MACROD2: variants seen among roughly 807,000 people sequenced by gnomAD.
The protein encoded by MACROD2 is ADP-ribose glycohydrolase MACROD2.
MACROD2 carries 36 observed loss-of-function variants against 70.4 expected under a neutral mutation model. The ratio of observed to expected loss-of-function variants is 0.51; its 90% CI spans 0.39 to 0.68. The LOEUF is 0.68. MACROD2 is among the 30% of genes least tolerant of loss of function. The pLI, the probability that MACROD2 is intolerant of heterozygous loss-of-function variation, is 0.00. For missense variants in MACROD2, 496 were observed against 538.4 expected (o/e 0.92, Z 0.78); for synonymous variants, 172 against 178.8 (o/e 0.96, Z 0.30).
intron 7 of MACROD2, among the ~76,000 whole-genome samples, chr20:15,459,785 T>C (rs1327351243): frequency 6.6e-6 from 1 of 152,162 alleles, no homozygotes; most frequent in African/African-American, 2.4e-5. Flanking sequence ...TTGTGGTAGA[T>C]ATTTGTTTCC....
intron 7 of MACROD2, among the ~76,000 whole-genome samples, chr20:15,432,868 A>G (rs570819430): frequency 9.9e-5 from 15 of 152,130 alleles, no homozygotes; most frequent in East Asian, 3.9e-4. Flanking sequence ...TGTAATATAT[A>G]TGGTATACTA....
chr20:14,816,249 A>C (rs2044970065), intron 5 of MACROD2, among the ~76,000 whole-genome samples: 1 of 152,092 alleles, frequency 6.6e-6, no homozygotes, highest in African/African-American at 2.4e-5. Context: ...GAGGGATATA[A>C]GAATCATTCC....
At position 14,678,941 on chromosome 20, in the gene MACROD2, C is replaced by G. The variant is rs181657465; in HGVS notation, c.302-5902C>G. Among the ~76,000 whole-genome samples, 756 of 151,486 alleles carry G rather than the reference C, an allele frequency of 5.0e-3. 30 individuals are homozygous for G. Among genetic ancestry groups the G allele is most frequent in the Admixed American group, 0.046 (698 of 15,174 alleles). On this transcript the variant is annotated intron_variant, in intron 4 of 17. Coordinates refer to ENST00000684519, the MANE Select transcript of MACROD2 (RefSeq NM_001351661.2). ...GATTTGAGTAACCTAACCATTTCCTCAGTATTATCAGAAAAAAAAAAACAA... is the reference window on the plus strand; with the variant it reads ...GATTTGAGTAACCTAACCATTTCCTGAGTATTATCAGAAAAAAAAAAACAA...
intron 3 of MACROD2, among the ~76,000 whole-genome samples, chr20:14,454,604 C>G (rs1186455041): frequency 6.6e-6 from 1 of 151,424 alleles, no homozygotes; most frequent in Non-Finnish European, 1.5e-5. Context: ...GCTTTTTTTT[C>G]TCTTTGTTCT....
chr20:14,377,712 C>A (rs1218907138), intron 3 of MACROD2, among the ~76,000 whole-genome samples: 1 of 152,234 alleles, frequency 6.6e-6, no homozygotes, highest in Non-Finnish European at 1.5e-5. Flanking sequence ...TTTTGCTTTA[C>A]TTAATTCACA....
At chr20:13,998,396 C>G (rs1215763077) in intron 1 of MACROD2, among the ~76,000 whole-genome samples, 1 of 152,086 alleles carries the variant, frequency 6.6e-6, no homozygotes, top group East Asian at 1.9e-4. Context: ...ATAACTGGAA[C>G]AACAGAGGCC....
intron 5 of MACROD2, among the ~76,000 whole-genome samples, chr20:15,102,917 T>C (rs931079316): frequency 2.6e-5 from 4 of 151,960 alleles, no homozygotes; most frequent in Non-Finnish European, 4.4e-5. Context: ...AATTGTGAGT[T>C]TGCAAAAAAA....
intron 5 of MACROD2, among the ~76,000 whole-genome samples, chr20:14,864,981 G>A (rs1257611813): frequency 6.6e-6 from 1 of 152,082 alleles, no homozygotes; most frequent in Non-Finnish European, 1.5e-5. Context: ...TTCCAAGCTT[G>A]ACAAATTGCT....
intron 6 of MACROD2, chr20:15,281,019 A>G (rs2077439174): frequency 6.6e-6 from 1 of 152,262 alleles, no homozygotes; most frequent in Non-Finnish European, 1.5e-5. Flanking sequence ...AGAAGTAGGC[A>G]CTTTCTTCAC....
intron 8 of MACROD2, among the ~76,000 whole-genome samples, chr20:15,538,014 G>A (rs1304155833): frequency 6.6e-6 from 1 of 152,180 alleles, no homozygotes; most frequent in East Asian, 1.9e-4. Flanking sequence ...GCCATCAAAT[G>A]TTTTGAGCAG....
rs183519284 is a variant in MACROD2 at position 14,137,585 on chromosome 20, A to G, written c.271+51857A>G. On this transcript the variant is annotated intron_variant, in intron 3 of 17. Coordinates refer to ENST00000684519, the MANE Select transcript of MACROD2 (RefSeq NM_001351661.2). Reference sequence around the variant, plus strand: ...TGAAAACTTCATATCCACCATGAAAATAAGAGAAATCATATTCTTATCCTA... The same window carrying G: ...TGAAAACTTCATATCCACCATGAAAGTAAGAGAAATCATATTCTTATCCTA... 3.2e-3 allele frequency among the ~76,000 whole-genome samples: 485 copies of G among 152,322 alleles called. 2 individuals are homozygous for G. The highest frequency in any genetic ancestry group is 9.7e-3 in the South Asian group (47 of 4,822).
chr20:14,653,938 A>G (rs1355451186), intron 4 of MACROD2, among the ~76,000 whole-genome samples: 1 of 152,122 alleles, frequency 6.6e-6, no homozygotes, highest in African/African-American at 2.4e-5. Flanking sequence ...CTTGCTTGAC[A>G]GTACCTCTTT....
chr20:15,362,159 A>C (rs903142993), intron 6 of MACROD2, among the ~76,000 whole-genome samples: 9 of 151,926 alleles, frequency 5.9e-5, no homozygotes, highest in African/African-American at 2.4e-5. Context: ...TTACAGGCGC[A>C]CACCACCACA....
At chr20:14,408,073 C>G (rs1362097481) in intron 3 of MACROD2, among the ~76,000 whole-genome samples, 1 of 152,000 alleles carries the variant, frequency 6.6e-6, no homozygotes, top group Admixed American at 6.6e-5. Flanking sequence ...CTTATCTGTG[C>G]CTTAGTATTG....
chr20:15,590,564 A>T lies in MACROD2; in HGVS notation c.645+90717A>T, dbSNP rs142929442. ...AGTCAACATGAATTTCTAGTTAGCA[A>T]CTTAGATCATAGAATTGATTTTAAG... is the stretch of plus-strand genomic sequence containing the variant. On this transcript the variant is annotated intron_variant, in intron 8 of 17. Coordinates refer to ENST00000684519, the MANE Select transcript of MACROD2 (RefSeq NM_001351661.2). Among the ~76,000 whole-genome samples, 12 of 152,264 alleles carry T rather than the reference A, an allele frequency of 7.9e-5. No individual in the cohort carries two copies. In the East Asian group the frequency reaches 2.3e-3, roughly 29 times the overall value.
chr20:16,046,559 A>G (rs1478283310), intron 17 of MACROD2, among the ~76,000 whole-genome samples: 1 of 151,854 alleles, frequency 6.6e-6, no homozygotes, highest in Admixed American at 6.6e-5. Flanking sequence ...CTGTGTGACC[A>G]GTGTCCAGAT....
At chr20:14,213,388 G>GAAAAAAAA (rs1284767288) in intron 3 of MACROD2, among the ~76,000 whole-genome samples, 1 of 9,922 alleles carries the variant, frequency 1.0e-4, no homozygotes, top group Non-Finnish European at 2.6e-4. Context: ...AAAAAAAAAG[G>GAAAAAAAA]CCAATTATAA....
At chr20:14,826,230 A>G (rs185550306) in intron 5 of MACROD2, among the ~76,000 whole-genome samples, 5 of 152,180 alleles carry the variant, frequency 3.3e-5, no homozygotes, top group African/African-American at 1.2e-4. Flanking sequence ...AGTTAAAAAA[A>G]AAAAATGAAA....
intron 4 of MACROD2, among the ~76,000 whole-genome samples, chr20:14,658,122 G>C (rs919684989): frequency 1.3e-5 from 2 of 151,908 alleles, no homozygotes; most frequent in East Asian, 1.9e-4. Flanking sequence ...CTTCTAAGAT[G>C]ATGAGGGAAA....
Sources: allele counts gnomAD v4.1 joint callset (sites outside exome capture counted in the v4.1 genomes callset), GRCh38; gene constraint gnomAD v4.1.1; transcripts MANE v1.5; gene names NCBI Gene and HGNC (gene_info 2026-07-23, HGNC 2026-07-21).